Variants in ACOT13 observed in about 807,000 individuals in gnomAD.
The protein encoded by ACOT13 is acyl-coenzyme A thioesterase 13.
Under a neutral mutation model 11.8 loss-of-function variants are expected in ACOT13, and 10 were observed. That is an observed-to-expected ratio of 0.85 (90% CI 0.53 to 1.44). The LOEUF (loss-of-function observed/expected upper bound fraction) is 1.44. Ranked by LOEUF, ACOT13 falls within the 40% of genes most tolerant of loss-of-function variation. The probability of loss-of-function intolerance (pLI) is 0.00; values close to 1 mark genes in which losing one functional copy is unlikely to be tolerated. For synonymous variants in ACOT13, 53 were observed against 61.0 expected (o/e 0.87, Z 0.61); for missense variants, 172 against 174.1 (o/e 0.99, Z 0.07).
chr6:24,703,909 G>GA lies in ACOT13; in HGVS notation c.*2299dup, dbSNP rs1778941297. Reference sequence around the variant, plus strand: ...ATGCAAAATGAGTAACAATTTACAAGAAAAATTGCCCTGTACTCCAAAAAA... The same window carrying GA: ...ATGCAAAATGAGTAACAATTTACAAGAAAAAATTGCCCTGTACTCCAAAAAA... On this transcript the variant is annotated 3_prime_UTR_variant, in exon 3 of 3. Transcript: ENST00000230048. 1 of 152,114 alleles carries GA rather than the reference G, an allele frequency of 6.6e-6. No homozygotes were observed. The highest frequency in any genetic ancestry group is 1.5e-5 in the Non-Finnish European group (1 of 68,010). The allele number at this position is 152,114 out of a possible 1,614,324, so 9.4% of individuals were successfully genotyped here.
intron 2 of ACOT13, among the ~76,000 whole-genome samples, chr6:24,700,527 C>G (rs1165801744): frequency 6.7e-6 from 1 of 148,540 alleles, no homozygotes; most frequent in Admixed American, 7.0e-5. Flanking sequence ...CCTCTGCCTC[C>G]TGGGTTCCTG....
At chr6:24,669,570 T>G (rs915609753) in intron 1 of ACOT13, among the ~76,000 whole-genome samples, 1 of 152,180 alleles carries the variant, frequency 6.6e-6, no homozygotes, top group African/African-American at 2.4e-5. Flanking sequence ...AAAAAAATTT[T>G]TTTTTGGAGA....
In ACOT13 at chr6:24,685,871, A is replaced by G. The variant is rs149817248; in HGVS notation, c.82-12012A>G. ...ATGCAGTCCAAATGTTCATAGTGCT[A>G]AAGTGAAAAGCATTGACTTAGAACA... On this transcript the variant is annotated intron_variant, in intron 1 of 2. Transcript: ENST00000230048. Among the ~76,000 whole-genome samples the G allele has an allele frequency of 3.5e-4, 53 of 152,234 alleles. No homozygotes were observed. The East Asian group carries it at 9.8e-3, about 28-fold the overall frequency.
chr6:24,695,362 G>T (rs1019814365), intron 1 of ACOT13, among the ~76,000 whole-genome samples: 2 of 152,020 alleles, frequency 1.3e-5, no homozygotes, highest in Non-Finnish European at 2.9e-5. Flanking sequence ...TCTACAAGCC[G>T]CTCGTATTTA....
intron 1 of ACOT13, among the ~76,000 whole-genome samples, chr6:24,672,911 G>A (rs9358789): frequency 2.6e-5 from 4 of 152,078 alleles, no homozygotes; most frequent in Admixed American, 2.0e-4. Context: ...ATTTCTGGCC[G>A]TGTATCTCAG....
At chr6:24,673,392 G>A (rs7765052) in intron 1 of ACOT13, among the ~76,000 whole-genome samples, 24,804 of 151,668 alleles carry the variant, frequency 0.16, 3,732 homozygotes, top group East Asian at 0.49. Flanking sequence ...ATAGAGTCTC[G>A]CACTGTTGCC....
Position 24,704,378 on chromosome 6 carries a change from A to G in ACOT13, c.*2763A>G, listed in dbSNP as rs559269693. 129 of 152,372 alleles carry G rather than the reference A, an allele frequency of 8.5e-4. No homozygotes were observed. The highest frequency in any genetic ancestry group is 1.6e-3 in the Non-Finnish European group (112 of 68,030). 9.4% of individuals were successfully genotyped at this position (152,372 alleles called of 1,614,324 possible). On this transcript the variant is annotated 3_prime_UTR_variant, in exon 3 of 3. Coordinates refer to ENST00000230048, the MANE Select transcript of ACOT13 (RefSeq NM_018473.4). ...TGCCAAAATGCCTAACTTGGTGAAC[A>G]TAAGTGTAATTCAATATGGTAAATT...
intron 1 of ACOT13, among the ~76,000 whole-genome samples, chr6:24,687,878 A>G (rs1184610953): frequency 6.6e-6 from 1 of 151,768 alleles, no homozygotes; most frequent in Non-Finnish European, 1.5e-5. Flanking sequence ...TGCCTGGCTA[A>G]TTTGTGTATT....
chr6:24,701,427 TCTG>T (rs1778890035), intron 2 of ACOT13, 29 bp from the exon 3 acceptor site: 5 of 1,571,844 alleles, frequency 3.2e-6, no homozygotes, highest in African/African-American at 1.4e-5. Flanking sequence ...TGAAAAATTA[TCTG>T]CTGTTAACTA....
At chr6:24,677,489 C>G (rs1778474483) in intron 1 of ACOT13, among the ~76,000 whole-genome samples, 1 of 152,192 alleles carries the variant, frequency 6.6e-6, no homozygotes, top group African/African-American at 2.4e-5. Flanking sequence ...AACAATGAGG[C>G]CAACCCTTTG....
chr6:24,674,057 T>C (rs933489423), intron 1 of ACOT13, among the ~76,000 whole-genome samples: 1 of 152,198 alleles, frequency 6.6e-6, no homozygotes, highest in African/African-American at 2.4e-5. Context: ...GTGGGGTTTT[T>C]TTTGTTTGTT....
chr6:24,673,570 G>A (rs896837018), intron 1 of ACOT13, among the ~76,000 whole-genome samples: 5 of 152,008 alleles, frequency 3.3e-5, no homozygotes, highest in South Asian at 2.1e-4. Flanking sequence ...TACGTTGGCC[G>A]GGCTAGTCTA....
At position 24,704,707 on chromosome 6, in the gene ACOT13, A is replaced by G. The variant is rs1218562766; in HGVS notation, c.*3092A>G. The G allele has an allele frequency of 6.6e-6, 1 of 152,244 alleles. No homozygotes were observed. The highest frequency in any genetic ancestry group is 1.5e-5 in the Non-Finnish European group (1 of 68,030). The allele number at this position is 152,244 out of a possible 1,614,324, so 9.4% of individuals were successfully genotyped here. ...AGGTTGCTAACTGTTGAAAGCTGAC[A>G]GTATGTTCTTGATTCCTGTTCTTGT... On this transcript the variant is annotated 3_prime_UTR_variant, in exon 3 of 3. Coordinates refer to ENST00000230048, the MANE Select transcript of ACOT13 (RefSeq NM_018473.4).
chr6:24,692,943 T>C (rs539983817), intron 1 of ACOT13, among the ~76,000 whole-genome samples: 24 of 152,312 alleles, frequency 1.6e-4, no homozygotes, highest in African/African-American at 5.8e-4. Context: ...GGTTGAACCA[T>C]GGTACTTTTA....
chr6:24,691,988 A>G (rs1582443485), intron 1 of ACOT13, among the ~76,000 whole-genome samples: 1 of 152,212 alleles, frequency 6.6e-6, no homozygotes, highest in Non-Finnish European at 1.5e-5. Flanking sequence ...GCTACTATTG[A>G]GACTAAACAT....
At chr6:24,697,799 G>T (rs1778818685) in intron 1 of ACOT13, 84 bp from the exon 2 acceptor site, 2 of 1,149,756 alleles carry the variant, frequency 1.7e-6, no homozygotes, top group African/African-American at 1.6e-5. Flanking sequence ...AGAAGATTCA[G>T]TTCAATCCAT....
chr6:24,687,867 A>T (rs1778657841), intron 1 of ACOT13, among the ~76,000 whole-genome samples: 1 of 151,802 alleles, frequency 6.6e-6, no homozygotes. Context: ...ACGCGCCACC[A>T]TGCCTGGCTA....
At position 24,668,517 on chromosome 6, in the gene ACOT13, C is replaced by T. The variant is rs369125680; in HGVS notation, c.81+1173C>T. Among the ~76,000 whole-genome samples the T allele has an allele frequency of 3.9e-5, 6 of 152,116 alleles. No individual in the cohort carries two copies. In the South Asian group the frequency reaches 6.2e-4, roughly 16 times the overall value. On this transcript the variant is annotated intron_variant, in intron 1 of 2. Coordinates refer to ENST00000230048, the MANE Select transcript of ACOT13 (RefSeq NM_018473.4). ...ATTACAGGCATGAGCCACCATGCCC[C>T]GCCAAAAGCAGGGATTTACTGAAAA... is the stretch of plus-strand genomic sequence containing the variant.
chr6:24,692,391 ATAGT>A (rs1778729818), intron 1 of ACOT13, among the ~76,000 whole-genome samples: 1 of 152,222 alleles, frequency 6.6e-6, no homozygotes, highest in South Asian at 2.1e-4. Context: ...CTGTTTGATA[ATAGT>A]TTTTATAATA....
Sources: allele counts gnomAD v4.1 joint callset (sites outside exome capture counted in the v4.1 genomes callset), GRCh38; gene constraint gnomAD v4.1.1; transcripts MANE v1.5; gene names NCBI Gene and HGNC (gene_info 2026-07-23, HGNC 2026-07-21).